Variants in SPATA6L observed in about 807,000 individuals in gnomAD.
SPATA6L encodes spermatogenesis associated 6 like.
Under a neutral mutation model 49.2 loss-of-function variants are expected in SPATA6L, and 68 were observed. The ratio of observed to expected loss-of-function variants is 1.38; its 90% confidence interval spans 1.14 to 1.69. The LOEUF (loss-of-function observed/expected upper bound fraction) is 1.69, where lower values mean the gene tolerates loss of function less well. Ranked by LOEUF, SPATA6L falls within the 40% of genes most tolerant of loss-of-function variation. The pLI is 0.00. For missense variants in SPATA6L, 668 were observed against 464.3 expected, an observed-to-expected ratio of 1.44 and a Z score of -4.03; for synonymous variants, 198 against 165.7, an observed-to-expected ratio of 1.19 and a Z score of -1.50.
chr9:4,661,766 A>T (rs1446713143), intron 2 of SPATA6L, 133 bp downstream of exon 2: 25 of 819,804 alleles, frequency 3.0e-5, no homozygotes, highest in Non-Finnish European at 3.9e-5. Context: ...GCGGTTTTGC[A>T]TTGTGCTGAA....
chr9:4,602,498 G>A (rs77773287), intron 11 of SPATA6L, among the ~76,000 whole-genome samples: 6,751 of 152,296 alleles, frequency 0.044, 246 homozygotes, highest in Admixed American at 0.078. Flanking sequence ...TGTAAAGCAT[G>A]CATGACCCTC....
chr9:4,604,218 G>A lies in SPATA6L; in HGVS notation c.1141C>T (p.Leu381=), dbSNP rs770123232. 4.3e-6 allele frequency: 7 copies of A among 1,612,438 alleles called. No homozygotes were observed. In the East Asian group the frequency reaches 8.9e-5, roughly 21 times the overall value. Residue 381 remains leucine (L), a synonymous_variant, in exon 11 of 12, where the codon CTG becomes TTG. Coordinates refer to ENST00000682582, the MANE Select transcript of SPATA6L (RefSeq NM_001353486.2). Reference sequence around the variant, plus strand: ...TGTTCATGCAGTGAGTATTTCTTCAGAGGGTAGCTTGGTCTTTCAATGATA... The same window carrying A: ...TGTTCATGCAGTGAGTATTTCTTCAAAGGGTAGCTTGGTCTTTCAATGATA... ...NYIIERPSYP[L]KKYSLHEQRY... is the part of the protein sequence containing the mutation.
At chr9:4,611,540 T>A (rs1328031608) in intron 9 of SPATA6L, among the ~76,000 whole-genome samples, 1 of 148,428 alleles carries the variant, frequency 6.7e-6, no homozygotes, top group Non-Finnish European at 1.5e-5. Context: ...CAGTAAACTA[T>A]CGCAAGAACA....
chr9:4,654,303 C>A (rs1214797937), intron 3 of SPATA6L, among the ~76,000 whole-genome samples: 1 of 152,218 alleles, frequency 6.6e-6, no homozygotes, highest in Non-Finnish European at 1.5e-5. Context: ...CTTTGTCCCC[C>A]TCTCAGGACG....
chr9:4,658,434 TA>T (rs1263649071), intron 2 of SPATA6L, among the ~76,000 whole-genome samples: 1 of 152,156 alleles, frequency 6.6e-6, no homozygotes, highest in East Asian at 1.9e-4. Context: ...ACAAGGAAGC[TA>T]AAACCAACAG....
chr9:4,606,981 G>A (rs1028161142), intron 9 of SPATA6L, among the ~76,000 whole-genome samples: 7 of 147,950 alleles, frequency 4.7e-5, no homozygotes, highest in African/African-American at 1.8e-4. Flanking sequence ...CAAGGCTCAA[G>A]AACTACGTGA....
intron 4 of SPATA6L, among the ~76,000 whole-genome samples, chr9:4,629,632 TA>T: frequency 6.6e-6 from 1 of 151,976 alleles, no homozygotes; most frequent in South Asian, 2.1e-4. Context: ...AAACTTGCTT[TA>T]TATTTTATAT....
At chr9:4,591,087 G>A (rs1054825993) in intron 13 of SPATA6L, among the ~76,000 whole-genome samples, 8 of 152,140 alleles carry the variant, frequency 5.3e-5, no homozygotes, top group African/African-American at 1.2e-4. Context: ...CTTTGTCTGC[G>A]CCCCATGGAA....
intron 4 of SPATA6L, among the ~76,000 whole-genome samples, chr9:4,630,093 T>G (rs1279160987): frequency 6.6e-6 from 1 of 151,790 alleles, no homozygotes; most frequent in East Asian, 1.9e-4. Flanking sequence ...TGTGACATTC[T>G]CAAAAAAACA....
intron 3 of SPATA6L, among the ~76,000 whole-genome samples, chr9:4,637,691 G>A (rs1018582128): frequency 4.6e-5 from 7 of 151,720 alleles, no homozygotes; most frequent in Admixed American, 6.6e-5. Flanking sequence ...TGAGATGAGT[G>A]GTGAAGTGCA....
chr9:4,658,324 G>C (rs1019200320), intron 2 of SPATA6L, among the ~76,000 whole-genome samples: 1 of 152,150 alleles, frequency 6.6e-6, no homozygotes, highest in Admixed American at 6.5e-5. Flanking sequence ...TGACCCAAAT[G>C]CTTCAGAAAA....
chr9:4,640,843 A>G (rs1833879105), intron 3 of SPATA6L, among the ~76,000 whole-genome samples: 1 of 152,240 alleles, frequency 6.6e-6, no homozygotes, highest in Admixed American at 6.5e-5. Flanking sequence ...TAAAAAAACA[A>G]GTATAACACA....
chr9:4,638,788 TTC>T (rs889410685), intron 3 of SPATA6L, among the ~76,000 whole-genome samples: 4 of 121,626 alleles, frequency 3.3e-5, no homozygotes, highest in African/African-American at 1.4e-4. Context: ...TTCTTTTCTT[TTC>T]TTTTTTTTTT....
chr9:4,606,372 T>G (rs1354310768), intron 9 of SPATA6L, among the ~76,000 whole-genome samples: 8 of 130,962 alleles, frequency 6.1e-5, no homozygotes, highest in African/African-American at 2.2e-4. Context: ...AAGACAGCAG[T>G]AACCTCTGCA....
In SPATA6L at chr9:4,662,850, A is replaced by C; in HGVS notation, c.40-814T>G. ...CCTCTACTGCCTGTGCAGGAGCGACAGCTGGGCCGGGCGCGAGGTGCTGAT... is the reference window on the plus strand; with the variant it reads ...CCTCTACTGCCTGTGCAGGAGCGACCGCTGGGCCGGGCGCGAGGTGCTGAT... On this transcript the variant is annotated intron_variant, in intron 1 of 11. Coordinates refer to ENST00000682582, the MANE Select transcript of SPATA6L (RefSeq NM_001353486.2). This position sits in a 1 kb window ranked among gnomAD's most constrained non-coding sequence, Gnocchi z 4.9. The C allele has an allele frequency of 6.2e-7, 1 of 1,605,348 alleles. No individual in the cohort carries two copies. The highest frequency in any genetic ancestry group is 1.3e-5 in the African/African-American group (1 of 75,056).
At chr9:4,617,178 G>C (rs1198664831) in intron 9 of SPATA6L, among the ~76,000 whole-genome samples, 3 of 152,128 alleles carry the variant, frequency 2.0e-5, no homozygotes, top group Non-Finnish European at 4.4e-5. Context: ...CGTTATTTTG[G>C]TACGTGGAGT....
chr9:4,659,907 C>G (rs553047003), intron 2 of SPATA6L, among the ~76,000 whole-genome samples: 115 of 152,248 alleles, frequency 7.6e-4, no homozygotes, highest in Middle Eastern at 3.4e-3. Flanking sequence ...TTTGACAAAC[C>G]TGACAAAAAC....
intron 9 of SPATA6L, among the ~76,000 whole-genome samples, chr9:4,608,886 G>T (rs972131069): frequency 6.6e-6 from 1 of 151,962 alleles, no homozygotes; most frequent in African/African-American, 2.4e-5. Flanking sequence ...CAACAAAATA[G>T]ATAGACCACT....
Position 4,604,585 on chromosome 9 carries a change from T to G in SPATA6L, c.1090-316A>C, listed in dbSNP as rs117925005. On this transcript the variant is annotated intron_variant, in intron 10 of 11. Coordinates refer to ENST00000682582, the MANE Select transcript of SPATA6L (RefSeq NM_001353486.2). ...TAAAGAGATTCCTTGCCTGAAAAGG[T>G]TGGGAATTAAAGCAAAGCCAATGAC... Among the ~76,000 whole-genome samples, 1,072 of 152,142 alleles carry G rather than the reference T, an allele frequency of 7.0e-3. 8 individuals carry two copies. The highest frequency in any genetic ancestry group is 0.02 in the Middle Eastern group (6 of 294).
Sources: gnomAD v4.1 joint callset for allele counts (sites outside exome capture counted in the v4.1 genomes callset) on GRCh38, gnomAD v4.1.1 for gene constraint, Gnocchi (gnomAD v3.1) non-coding constraint, MANE v1.5 for transcripts, NCBI Gene and HGNC (gene_info 2026-07-23, HGNC 2026-07-21) for gene names.